Variants in PHACTR1 observed in about 807,000 individuals in gnomAD.
PHACTR1 encodes the protein RPEL repeat containing 1.
In PHACTR1, 16 loss-of-function variants were observed where a neutral mutation model predicts 69.2. The ratio of observed to expected loss-of-function variants is 0.23; its 90% CI spans 0.16 to 0.35. The LOEUF (loss-of-function observed/expected upper bound fraction) is 0.35, where lower values mean the gene tolerates loss of function less well. Among genes scored for constraint, PHACTR1 ranks in the 10% least tolerant of loss-of-function variants. The pLI is 1.00. For synonymous variants in PHACTR1, 312 were observed against 284.5 expected (o/e 1.10, Z -0.97); for missense variants, 510 against 734.7 (o/e 0.69, Z 3.54).
chr6:13,271,860 TATAG>T (rs1417991950), intron 10 of PHACTR1, among the ~76,000 whole-genome samples: 1 of 152,148 alleles, frequency 6.6e-6, no homozygotes, highest in Non-Finnish European at 1.5e-5. Context: ...TCTTGCCGAC[TATAG>T]ACACCAGTTT....
chr6:13,050,789 C>A (rs1805822901), intron 4 of PHACTR1, among the ~76,000 whole-genome samples: 3 of 152,202 alleles, frequency 2.0e-5, no homozygotes, highest in Non-Finnish European at 4.4e-5. Flanking sequence ...TCATCAAATT[C>A]TTTAAAACAT....
At chr6:12,964,724 G>C (rs1363001477) in intron 4 of PHACTR1, among the ~76,000 whole-genome samples, 2 of 152,208 alleles carry the variant, frequency 1.3e-5, no homozygotes, top group Non-Finnish European at 2.9e-5. Flanking sequence ...AACTGCAGCA[G>C]TGGAGAACAT....
intron 5 of PHACTR1, among the ~76,000 whole-genome samples, chr6:13,145,493 A>C (rs1823193007): frequency 6.6e-6 from 1 of 152,228 alleles, no homozygotes; most frequent in African/African-American, 2.4e-5. Flanking sequence ...AAGTGATCAC[A>C]GTTTATAAAT....
At position 13,160,063 on chromosome 6, in the gene PHACTR1, C is replaced by T. The variant is rs59663147; in HGVS notation, c.416-141C>T. 5,562 of 682,238 alleles carry T rather than the reference C, an allele frequency of 8.2e-3. 240 individuals carry two copies. The African/African-American group carries it at 0.089, about 11-fold the overall frequency. The allele number at this position is 682,238 out of a possible 1,614,324, so 42.3% of individuals were successfully genotyped here. A position where few individuals can be genotyped will look rare whatever the true frequency, so the allele number is the denominator to read the frequency against. On this transcript the variant is annotated intron_variant, in intron 5 of 14. Transcript: ENST00000332995. Reference sequence around the variant, plus strand: ...TATCAAAACATATTAACTGGTATGTCTCATTAGCTCACATTAGCAAAGCAC... The same window carrying T: ...TATCAAAACATATTAACTGGTATGTTTCATTAGCTCACATTAGCAAAGCAC...
At chr6:12,835,717 C>T (rs1441396319) in intron 4 of PHACTR1, among the ~76,000 whole-genome samples, 1 of 152,050 alleles carries the variant, frequency 6.6e-6, no homozygotes, top group African/African-American at 2.4e-5. Context: ...GTTATCAACA[C>T]CCTTTAAGGT....
At chr6:13,084,234 T>G (rs901053563) in intron 5 of PHACTR1, among the ~76,000 whole-genome samples, 3 of 151,882 alleles carry the variant, frequency 2.0e-5, no homozygotes, top group African/African-American at 7.3e-5. Flanking sequence ...GGGGCATGGA[T>G]GAAGCTGGAA....
rs536166854 is a variant in PHACTR1, at chr6:12,900,509, A to G, written c.250+150719A>G. On this transcript the variant is annotated intron_variant, in intron 4 of 14. Coordinates refer to ENST00000332995, the MANE Select transcript of PHACTR1 (RefSeq NM_030948.6). ...GGAGTTTGAGGCCAGCCTGGACAAC[A>G]TGGCGAAACCCTGTCTCTACAAAAA... Among the ~76,000 whole-genome samples the G allele has an allele frequency of 8.5e-5, 13 of 152,294 alleles. No individual in the cohort carries two copies. In the South Asian group the frequency reaches 2.7e-3, roughly 32 times the overall value.
At chr6:13,203,020 T>G (rs368785229) in intron 7 of PHACTR1, among the ~76,000 whole-genome samples, 8 of 152,364 alleles carry the variant, frequency 5.3e-5, no homozygotes, top group African/African-American at 1.4e-4. Flanking sequence ...AGCAATCTTA[T>G]CAGGCCCCCT....
chr6:12,734,480 G>A (rs951847824), intron 3 of PHACTR1, among the ~76,000 whole-genome samples: 2 of 152,092 alleles, frequency 1.3e-5, no homozygotes, highest in Non-Finnish European at 2.9e-5. Context: ...ATGTGTAAGA[G>A]GTAAGTGACC....
chr6:13,072,575 A>G (rs1320300731), intron 5 of PHACTR1, among the ~76,000 whole-genome samples: 2 of 152,132 alleles, frequency 1.3e-5, no homozygotes, highest in Non-Finnish European at 2.9e-5. Flanking sequence ...AGTTGACCTT[A>G]TGTCATAGTA....
At chr6:12,952,177 C>T (rs1277671442) in intron 4 of PHACTR1, among the ~76,000 whole-genome samples, 1 of 152,142 alleles carries the variant, frequency 6.6e-6, no homozygotes. Flanking sequence ...GCACAGCCTC[C>T]CTGTGGATAG....
intron 10 of PHACTR1, among the ~76,000 whole-genome samples, chr6:13,269,323 C>T (rs928115818): frequency 4.6e-5 from 7 of 152,172 alleles, no homozygotes; most frequent in African/African-American, 7.2e-5. Context: ...GATCTTTCAA[C>T]GTGGAGTTGG....
chr6:12,880,727 T>C (rs571966243), intron 4 of PHACTR1, among the ~76,000 whole-genome samples: 1 of 152,196 alleles, frequency 6.6e-6, no homozygotes, highest in South Asian at 2.1e-4. Context: ...GTGCAAAGAT[T>C]AGGCAAGATT....
intron 5 of PHACTR1, among the ~76,000 whole-genome samples, chr6:13,088,292 AT>A (rs1812640541): frequency 6.6e-6 from 1 of 150,670 alleles, no homozygotes; most frequent in Admixed American, 6.6e-5. Flanking sequence ...TGACAGTTCT[AT>A]TTCCCCCCAC....
intron 4 of PHACTR1, among the ~76,000 whole-genome samples, chr6:12,920,629 G>T (rs1207917510): frequency 1.3e-5 from 2 of 152,198 alleles, no homozygotes; most frequent in African/African-American, 4.8e-5. Context: ...AAATAAATTT[G>T]TAGCTACATT....
intron 4 of PHACTR1, among the ~76,000 whole-genome samples, chr6:12,965,829 A>G (rs1228076428): frequency 6.6e-6 from 1 of 152,210 alleles, no homozygotes; most frequent in Non-Finnish European, 1.5e-5. Flanking sequence ...CAAAACTGCC[A>G]TAAATAGTGA....
At chr6:12,972,941 G>A (rs1582774481) in intron 4 of PHACTR1, among the ~76,000 whole-genome samples, 1 of 152,246 alleles carries the variant, frequency 6.6e-6, no homozygotes, top group East Asian at 1.9e-4. Flanking sequence ...GTGAGCCACC[G>A]CGGCTGGCCT....
In PHACTR1 at chr6:13,171,092, G is replaced by T. The variant is rs537611839; in HGVS notation, c.496+10808G>T. Among the ~76,000 whole-genome samples the T allele has an allele frequency of 4.6e-5, 7 of 152,276 alleles. No individual in the cohort carries two copies. The South Asian group carries it at 8.3e-4, about 18-fold the overall frequency. On this transcript the variant is annotated intron_variant, in intron 6 of 14. Transcript: ENST00000332995. ...AGGTACTCGATCAAGGTTAGCTATG[G>T]TCTCCACCAGCCACCTGTTCTCCCT... is the stretch of plus-strand genomic sequence containing the variant.
intron 5 of PHACTR1, among the ~76,000 whole-genome samples, chr6:13,133,423 C>G (rs1820870414): frequency 6.6e-6 from 1 of 151,780 alleles, no homozygotes; most frequent in Non-Finnish European, 1.5e-5. Flanking sequence ...CCTGCCGAGT[C>G]CCTGGGATTG....
Sources: gnomAD v4.1 joint callset for allele counts (sites outside exome capture counted in the v4.1 genomes callset) on GRCh38, gnomAD v4.1.1 for gene constraint, MANE v1.5 for transcripts, NCBI Gene and HGNC (gene_info 2026-07-23, HGNC 2026-07-21) for gene names.